ADGRL2: variants seen among roughly 807,000 people sequenced by gnomAD.
The protein encoded by ADGRL2 is adhesion G protein-coupled receptor L2, also known as calcium-independent alpha-latrotoxin receptor 2.
A neutral mutation model predicts 157.4 loss-of-function variants in ADGRL2; 44 were observed. The observed-to-expected ratio is 0.28, with a 90% confidence interval of 0.22 to 0.36. The LOEUF (loss-of-function observed/expected upper bound fraction) is 0.36, where lower values mean the gene tolerates loss of function less well. Among genes scored for constraint, ADGRL2 ranks in the 10% least tolerant of loss-of-function variants. The pLI is 1.00. For missense variants in ADGRL2, 1,510 were observed against 1,768.9 expected (o/e 0.85, Z 2.63); for synonymous variants, 585 against 624.7 (o/e 0.94, Z 0.95).
chr1:81,656,517 C>T (rs770688814), intron 3 of ADGRL2, among the ~76,000 whole-genome samples: 14 of 152,082 alleles, frequency 9.2e-5, no homozygotes, highest in Non-Finnish European at 1.8e-4. Context: ...GGATCACAGT[C>T]GCACTTCTAA....
chr1:81,626,914 G>T (rs140824915), intron 3 of ADGRL2, among the ~76,000 whole-genome samples: 2 of 152,272 alleles, frequency 1.3e-5, no homozygotes, highest in East Asian at 3.9e-4. Flanking sequence ...CACCAGAATG[G>T]TAAGGGGTGT....
At chr1:81,557,055 A>AGAGAT in intron 2 of ADGRL2, 1 of 180,812 alleles carries the variant, frequency 5.5e-6, no homozygotes, top group African/African-American at 2.4e-5. Flanking sequence ...AAGAAGAAGA[A>AGAGAT]GAGATGTGTG....
intron 1 of ADGRL2, among the ~76,000 whole-genome samples, chr1:81,315,680 G>A (rs750658528): frequency 1.3e-5 from 2 of 151,948 alleles, no homozygotes; most frequent in Non-Finnish European, 2.9e-5. Flanking sequence ...CAGACACTAA[G>A]AGCCCATGCA....
intron 1 of ADGRL2, among the ~76,000 whole-genome samples, chr1:81,704,411 G>A (rs1418787075): frequency 6.6e-6 from 1 of 152,170 alleles, no homozygotes; most frequent in Non-Finnish European, 1.5e-5. Flanking sequence ...CCTGGGAGCG[G>A]CGGGCCTGGA....
At chr1:81,626,508 C>T (rs1021543885) in intron 3 of ADGRL2, among the ~76,000 whole-genome samples, 4 of 152,032 alleles carry the variant, frequency 2.6e-5, no homozygotes, top group Admixed American at 1.3e-4. Flanking sequence ...TTTCACCATT[C>T]GGTAATCTGC....
chr1:81,697,810 A>G, upstream of ADGRL2, among the ~76,000 whole-genome samples: 1 of 152,344 alleles, frequency 6.6e-6, no homozygotes, highest in South Asian at 2.1e-4. Flanking sequence ...AAGTTCAAGC[A>G]CTAAGAATAA....
In ADGRL2 at chr1:81,880,782, A is replaced by G. The variant is rs533683929; in HGVS notation, c.74-26235A>G. On this transcript the variant is annotated intron_variant, in intron 2 of 23. Transcript: ENST00000686636. ...AGGGACAGAATTTTTCACCACGGGC[A>G]TGTTTAGGCAAGCCCCCTGTGCACA... is the stretch of plus-strand genomic sequence containing the variant. 6.6e-5 allele frequency among the ~76,000 whole-genome samples: 10 copies of G among 151,914 alleles called. No homozygotes were observed. In the East Asian group the frequency reaches 1.4e-3, roughly 21 times the overall value.
intron 1 of ADGRL2, among the ~76,000 whole-genome samples, chr1:81,368,870 G>C (rs1369799629): frequency 1.3e-5 from 2 of 152,028 alleles, no homozygotes; most frequent in Non-Finnish European, 2.9e-5. Context: ...CCATACACTT[G>C]AGCTAGCTCT....
intron 2 of ADGRL2, among the ~76,000 whole-genome samples, chr1:81,767,355 T>C (rs2086170229): frequency 6.6e-6 from 1 of 152,192 alleles, no homozygotes; most frequent in African/African-American, 2.4e-5. Flanking sequence ...CAAAAATTTA[T>C]ACAGGGCAGT....
chr1:81,386,075 G>A (rs946535386), intron 1 of ADGRL2, among the ~76,000 whole-genome samples: 3 of 151,950 alleles, frequency 2.0e-5, no homozygotes, highest in African/African-American at 7.2e-5. Context: ...AATCTATTAG[G>A]TTTCAATGTC....
Position 81,461,747 on chromosome 1 carries a change from C to G in ADGRL2, c.-248+16658C>G, listed in dbSNP as rs2077932776. On this transcript the variant is annotated intron_variant, in intron 2 of 24. Transcript: ENST00000370721. ...GAAGCAGTAATTCATCATTCAAAATCTCCTATATAAAGATAGCTCTGTAAA... is the reference window on the plus strand; with the variant it reads ...GAAGCAGTAATTCATCATTCAAAATGTCCTATATAAAGATAGCTCTGTAAA... Among the ~76,000 whole-genome samples, 3 of 152,172 alleles carry G rather than the reference C, an allele frequency of 2.0e-5. No homozygotes were observed. In the South Asian group the frequency reaches 6.2e-4, roughly 32 times the overall value.
intron 1 of ADGRL2, among the ~76,000 whole-genome samples, chr1:81,440,318 T>C (rs2077484091): frequency 6.6e-6 from 1 of 152,206 alleles, no homozygotes; most frequent in Non-Finnish European, 1.5e-5. Context: ...TTCCTGTAGC[T>C]ATCACTACTT....
chr1:81,513,918 C>A (rs781721015), intron 2 of ADGRL2: 5 of 152,100 alleles, frequency 3.3e-5, no homozygotes, highest in Non-Finnish European at 7.3e-5. Flanking sequence ...CTTATTTATC[C>A]CCCCTTCCTG....
intron 1 of ADGRL2, among the ~76,000 whole-genome samples, chr1:81,406,241 C>T (rs1049579268): frequency 6.6e-6 from 1 of 152,088 alleles, no homozygotes; most frequent in East Asian, 1.9e-4. Context: ...AAGGGCTTCA[C>T]AATAGAATTT....
chr1:81,844,379 G>T (rs2092707557), intron 2 of ADGRL2, among the ~76,000 whole-genome samples: 1 of 151,964 alleles, frequency 6.6e-6, no homozygotes, highest in East Asian at 1.9e-4. Flanking sequence ...TTCATTTTTT[G>T]AATTAATACA....
intron 1 of ADGRL2, among the ~76,000 whole-genome samples, chr1:81,433,508 C>T (rs571391639): frequency 2.0e-5 from 3 of 152,244 alleles, no homozygotes; most frequent in African/African-American, 7.2e-5. Flanking sequence ...CAAGTTTAGT[C>T]AGGAGCACCC....
At chr1:81,326,466 C>T (rs576484782) in intron 1 of ADGRL2, among the ~76,000 whole-genome samples, 8 of 152,324 alleles carry the variant, frequency 5.3e-5, no homozygotes, top group Admixed American at 1.3e-4. Context: ...TAAACACAAA[C>T]GTTGTTATTT....
chr1:81,410,555 A>G (rs572782120), intron 1 of ADGRL2, among the ~76,000 whole-genome samples: 50 of 152,342 alleles, frequency 3.3e-4, no homozygotes, highest in Middle Eastern at 3.4e-3. Context: ...TTTTAATAAC[A>G]TAGAAGCTAT....
rs565291612 is a variant in ADGRL2, at chr1:81,675,692, C to G, written c.-142-86119C>G. Among the ~76,000 whole-genome samples the G allele has an allele frequency of 2.2e-4, 34 of 152,040 alleles. No homozygotes were observed. The East Asian group carries it at 6.6e-3, about 30-fold the overall frequency. On this transcript the variant is annotated intron_variant, in intron 3 of 24. Transcript: ENST00000370721. Reference sequence around the variant, plus strand: ...TGCCTCCCCAGCTCAAGGGATTCTCCTGCCTCAGCCTCCCGAGTAGCTGGG... The same window carrying G: ...TGCCTCCCCAGCTCAAGGGATTCTCGTGCCTCAGCCTCCCGAGTAGCTGGG...
Sources: allele counts gnomAD v4.1 joint callset (sites outside exome capture counted in the v4.1 genomes callset), GRCh38; gene constraint gnomAD v4.1.1; transcripts MANE v1.5; gene names NCBI Gene and HGNC (gene_info 2026-07-23, HGNC 2026-07-21).